Variants in CMIP observed in about 807,000 individuals in gnomAD.
The protein encoded by CMIP is C-Maf-inducing protein.
CMIP carries 13 observed loss-of-function variants against 97.3 expected under a neutral mutation model. The ratio of observed to expected loss-of-function variants is 0.13; its 90% CI spans 0.09 to 0.21. The LOEUF is 0.21. CMIP is among the 10% of genes least tolerant of loss of function. The pLI is 1.00. For missense variants in CMIP, 847 were observed against 1,024.9 expected, an observed-to-expected ratio of 0.83 and a Z score of 2.37; for synonymous variants, 538 against 436.3, an observed-to-expected ratio of 1.23 and a Z score of -2.91.
chr16:81,482,035 C>T (rs35081994), intron 1 of CMIP, among the ~76,000 whole-genome samples: 58,543 of 151,924 alleles, frequency 0.39, 12,429 homozygotes, highest in Admixed American at 0.53. Flanking sequence ...TGCGCCACCA[C>T]ACCTAGCTAA....
rs115985409 is a variant in CMIP, at chr16:81,461,140, C to T, written c.300+15599C>T. Reference sequence around the variant, plus strand: ...GCAGCTTCTGGCTTGGATTGGGTGTCTTGTTGAGTATGTGGGCAGTGGATC... The same window carrying T: ...GCAGCTTCTGGCTTGGATTGGGTGTTTTGTTGAGTATGTGGGCAGTGGATC... On this transcript the variant is annotated intron_variant, in intron 1 of 20. Coordinates refer to ENST00000537098, the MANE Select transcript of CMIP (RefSeq NM_198390.3). Among the ~76,000 whole-genome samples, 549 of 152,290 alleles carry T rather than the reference C, an allele frequency of 3.6e-3. 3 individuals carry two copies. The highest frequency in any genetic ancestry group is 0.012 in the African/African-American group (492 of 41,554).
chr16:81,476,723 A>G (rs1249150160), intron 1 of CMIP, among the ~76,000 whole-genome samples: 1 of 152,228 alleles, frequency 6.6e-6, no homozygotes, highest in African/African-American at 2.4e-5. Flanking sequence ...ATGGTCTTCT[A>G]GATTGCTTCT....
chr16:81,693,224 C>G (rs769539273), intron 12 of CMIP, 40 bp downstream of exon 12: 1 of 1,591,544 alleles, frequency 6.3e-7, no homozygotes, highest in Admixed American at 1.7e-5. Flanking sequence ...TTCTGGCACG[C>G]ACGGCCTCTG....
At chr16:81,647,461 C>T (rs999745534) in intron 3 of CMIP, among the ~76,000 whole-genome samples, 12 of 152,160 alleles carry the variant, frequency 7.9e-5, no homozygotes, top group Admixed American at 2.0e-4. Flanking sequence ...TTCACCAACC[C>T]TGCTCTAAGT....
chr16:81,545,852 G>A (rs1436859619), intron 1 of CMIP, among the ~76,000 whole-genome samples: 1 of 152,166 alleles, frequency 6.6e-6, no homozygotes, highest in African/African-American at 2.4e-5. Flanking sequence ...TCTGGGTCTC[G>A]GCTGAATGAG....
At chr16:81,576,424 C>G (rs2091190062) in intron 1 of CMIP, among the ~76,000 whole-genome samples, 1 of 151,986 alleles carries the variant, frequency 6.6e-6, no homozygotes, top group African/African-American at 2.4e-5. Context: ...GAAAAACAAA[C>G]AAACAAACAA....
Position 81,453,619 on chromosome 16 carries a change from A to G in CMIP, c.300+8078A>G, listed in dbSNP as rs748628180. Among the ~76,000 whole-genome samples, 11 of 152,224 alleles carry G rather than the reference A, an allele frequency of 7.2e-5. No individual in the cohort carries two copies. The highest frequency in any genetic ancestry group is 1.3e-4 in the Non-Finnish European group (9 of 68,028). On this transcript the variant is annotated intron_variant, in intron 1 of 20. Coordinates refer to ENST00000537098, the MANE Select transcript of CMIP (RefSeq NM_198390.3). The surrounding 1 kb of genome is among the most constrained non-coding windows in gnomAD (Gnocchi z 4.0). ...ACACCGGTGCGAGGCTCTGCAGGGA[A>G]GGAGAGCCACGGGTATGGAAGGGGC... is the stretch of plus-strand genomic sequence containing the variant.
At chr16:81,676,368 G>C (rs1904309538) in intron 9 of CMIP, among the ~76,000 whole-genome samples, 1 of 152,150 alleles carries the variant, frequency 6.6e-6, no homozygotes, top group Non-Finnish European at 1.5e-5. Context: ...GCCGTCCCCA[G>C]TGCTCTCGGT....
chr16:81,707,416 G>A (rs1272660569), intron 20 of CMIP, among the ~76,000 whole-genome samples: 2 of 152,248 alleles, frequency 1.3e-5, no homozygotes, highest in African/African-American at 2.4e-5. Context: ...AGAGATGGGC[G>A]AGGCCTGGCT....
At chr16:81,567,607 G>A (rs1458915917) in intron 1 of CMIP, among the ~76,000 whole-genome samples, 1 of 152,228 alleles carries the variant, frequency 6.6e-6, no homozygotes, top group East Asian at 1.9e-4. Flanking sequence ...CATGGGAAGT[G>A]TCGGCCCCTT....
In CMIP at chr16:81,481,109, T is replaced by C. The variant is rs191418084; in HGVS notation, c.300+35568T>C. On this transcript the variant is annotated intron_variant, in intron 1 of 20. Coordinates refer to ENST00000537098, the MANE Select transcript of CMIP (RefSeq NM_198390.3). The stretch of plus-strand genomic sequence containing the variant: ...ACATGGTTTGTCCCTCCTATTTGCG[T>C]TTGAGATTTTTGATGGCTGTGGGAC... 2.0e-3 allele frequency among the ~76,000 whole-genome samples: 302 copies of C among 152,256 alleles called. 1 individual carries two copies. Among genetic ancestry groups the C allele is most frequent in the Non-Finnish European group, 2.2e-3 (150 of 68,008 alleles).
At chr16:81,456,935 G>C (rs867083618) in intron 1 of CMIP, among the ~76,000 whole-genome samples, 80 of 152,154 alleles carry the variant, frequency 5.3e-4, no homozygotes, top group African/African-American at 1.8e-3. Flanking sequence ...CCGTGGCAGA[G>C]GATCGCTTCT....
At chr16:81,638,194 C>G (rs924228228) in intron 3 of CMIP, among the ~76,000 whole-genome samples, 1 of 152,238 alleles carries the variant, frequency 6.6e-6, no homozygotes, top group Admixed American at 6.5e-5. Flanking sequence ...ATACTCGTCA[C>G]TGGATTCAGG....
chr16:81,676,831 A>G (rs1343459569), intron 9 of CMIP, among the ~76,000 whole-genome samples: 4 of 152,014 alleles, frequency 2.6e-5, no homozygotes, highest in African/African-American at 7.2e-5. Flanking sequence ...AGCTGCAACA[A>G]TTCCCCAAAC....
chr16:81,662,044 C>A (rs2092552837), intron 6 of CMIP, among the ~76,000 whole-genome samples: 1 of 152,160 alleles, frequency 6.6e-6, no homozygotes, highest in South Asian at 2.1e-4. Flanking sequence ...CCCCGGGCTC[C>A]TCAGGACACA....
chr16:81,605,901 G>A (rs989025851), intron 1 of CMIP, among the ~76,000 whole-genome samples: 5 of 152,246 alleles, frequency 3.3e-5, no homozygotes, highest in Admixed American at 6.5e-5. Flanking sequence ...TCAGATGAAT[G>A]AAGGAATGAA....
At chr16:81,584,683 G>C (rs1290516201) in intron 1 of CMIP, among the ~76,000 whole-genome samples, 1 of 152,156 alleles carries the variant, frequency 6.6e-6, no homozygotes, top group Non-Finnish European at 1.5e-5. Context: ...CATCAAACTA[G>C]CCCGGCGCCG....
chr16:81,679,200 G>A (rs927468554), intron 10 of CMIP, among the ~76,000 whole-genome samples: 15 of 152,178 alleles, frequency 9.9e-5, no homozygotes, highest in Admixed American at 6.5e-5. Context: ...TGCCGAGTGT[G>A]TGTGTTTATA....
chr16:81,610,331 G>T, intron 2 of CMIP: 2 of 985,646 alleles, frequency 2.0e-6, no homozygotes, highest in Non-Finnish European at 2.4e-6. Flanking sequence ...CCGAGCGGGC[G>T]GGGAGCCTCT....
Sources: gnomAD v4.1 joint callset for allele counts (sites outside exome capture counted in the v4.1 genomes callset) on GRCh38, gnomAD v4.1.1 for gene constraint, Gnocchi (gnomAD v3.1) non-coding constraint, MANE v1.5 for transcripts, NCBI Gene and HGNC (gene_info 2026-07-23, HGNC 2026-07-21) for gene names.